Variants in MDGA2 observed in about 807,000 individuals in gnomAD.
The protein encoded by MDGA2 is MAM domain-containing glycosylphosphatidylinositol anchor protein 2.
In MDGA2, 40 loss-of-function variants were observed where a neutral mutation model predicts 117.8. The ratio of observed to expected loss-of-function variants is 0.34; its 90% CI spans 0.26 to 0.44. The LOEUF is 0.44. MDGA2 is among the 20% of genes least tolerant of loss of function. MDGA2 has a pLI of 1.00. For synonymous variants in MDGA2, 452 were observed against 439.0 expected (o/e 1.03, Z -0.37); for missense variants, 1,123 against 1,250.6 (o/e 0.90, Z 1.54).
At chr14:47,020,779 G>A (rs533927498) in intron 8 of MDGA2, among the ~76,000 whole-genome samples, 15 of 152,022 alleles carry the variant, frequency 9.9e-5, no homozygotes, top group African/African-American at 3.4e-4. Context: ...TTCAACTCCA[G>A]ACAAATGTAT....
rs140557084 is a variant in MDGA2, at chr14:46,969,041, T to C, written c.1820-11398A>G. 2.8e-3 allele frequency among the ~76,000 whole-genome samples: 430 copies of C among 152,138 alleles called. 3 individuals carry two copies. The highest frequency in any genetic ancestry group is 9.8e-3 in the African/African-American group (408 of 41,504). On this transcript the variant is annotated intron_variant, in intron 8 of 16. Coordinates refer to ENST00000399232, the MANE Select transcript of MDGA2 (RefSeq NM_001113498.3). The stretch of plus-strand genomic sequence containing the variant: ...TGGAATAGTTTGCTGAGAATGATGG[T>C]TTCCAGTTTCATCCATGTCCCTACA...
At chr14:47,027,179 A>T (rs1381451024) in intron 8 of MDGA2, among the ~76,000 whole-genome samples, 1 of 152,072 alleles carries the variant, frequency 6.6e-6, no homozygotes, top group African/African-American at 2.4e-5. Flanking sequence ...GGAAAAAAAA[A>T]ACCTATAAAA....
intron 1 of MDGA2, among the ~76,000 whole-genome samples, chr14:47,639,788 G>T (rs1289621831): frequency 1.3e-5 from 2 of 152,096 alleles, no homozygotes; most frequent in African/African-American, 2.4e-5. Flanking sequence ...TGTTAACACT[G>T]TATAAGACTC....
At chr14:47,194,585 A>G (rs1187077879) in intron 3 of MDGA2, among the ~76,000 whole-genome samples, 1 of 152,108 alleles carries the variant, frequency 6.6e-6, no homozygotes, top group Non-Finnish European at 1.5e-5. Flanking sequence ...GTTTCAAGAT[A>G]AGCACTTGGA....
intron 10 of MDGA2, among the ~76,000 whole-genome samples, chr14:46,896,344 T>C (rs566873655): frequency 6.6e-6 from 1 of 152,152 alleles, no homozygotes; most frequent in South Asian, 2.1e-4. Context: ...TTGTTGTGAA[T>C]ACTTACACAA....
chr14:47,095,164 G>C (rs1434682243), intron 6 of MDGA2, among the ~76,000 whole-genome samples: 2 of 151,908 alleles, frequency 1.3e-5, no homozygotes, highest in African/African-American at 4.8e-5. Context: ...TTGAAATAAA[G>C]AGCACATTTC....
At chr14:47,500,808 G>A (rs1255413741) in intron 1 of MDGA2, among the ~76,000 whole-genome samples, 1 of 151,862 alleles carries the variant, frequency 6.6e-6, no homozygotes, top group African/African-American at 2.4e-5. Flanking sequence ...TTCAAAGTTG[G>A]TTAAAAAAAG....
rs117509348 is a variant in MDGA2, at chr14:47,629,956, G to T, written c.280+44561C>A. ...CTGCATGTCCAATAAGCACCCAGGT[G>T]ATACTGATACTGCTGGTCTATGGAC... On this transcript the variant is annotated intron_variant, in intron 1 of 16. Coordinates refer to ENST00000399232, the MANE Select transcript of MDGA2 (RefSeq NM_001113498.3). Among the ~76,000 whole-genome samples the T allele has an allele frequency of 3.1e-3, 473 of 152,198 alleles. 1 individual carries two copies. Among genetic ancestry groups the T allele is most frequent in the Middle Eastern group, 0.01 (3 of 294 alleles).
intron 9 of MDGA2, among the ~76,000 whole-genome samples, chr14:46,941,830 G>C: frequency 6.6e-6 from 1 of 152,102 alleles, no homozygotes; most frequent in East Asian, 1.9e-4. Context: ...TTTTTAGACT[G>C]TTTCTTATTA....
In MDGA2 at chr14:46,884,655, C is replaced by G. The variant is rs1882598683; in HGVS notation, c.2239-2434G>C. Among the ~76,000 whole-genome samples, 1 of 151,810 alleles carries G rather than the reference C, an allele frequency of 6.6e-6. No individual in the cohort carries two copies. The highest frequency in any genetic ancestry group is 2.4e-5 in the African/African-American group (1 of 41,314). ...ATATAAAATATATAGAGTGTCTGCA[C>G]AGAAGAGAGAAAAATATATACCATT... On this transcript the variant is annotated intron_variant, in intron 10 of 16. Coordinates refer to ENST00000399232, the MANE Select transcript of MDGA2 (RefSeq NM_001113498.3). This position sits in a 1 kb window ranked among gnomAD's most constrained non-coding sequence, Gnocchi z 4.1.
intron 1 of MDGA2, among the ~76,000 whole-genome samples, chr14:47,609,389 G>A (rs1394282402): frequency 1.7e-5 from 2 of 116,314 alleles, no homozygotes; most frequent in Admixed American, 1.1e-4. Flanking sequence ...TGTAAATGCT[G>A]TCAATTCATT....
intron 6 of MDGA2, among the ~76,000 whole-genome samples, chr14:47,065,779 G>A (rs1245036682): frequency 3.3e-5 from 5 of 152,118 alleles, no homozygotes; most frequent in African/African-American, 1.2e-4. Flanking sequence ...CTTCTGTTAA[G>A]TATCTATTTC....
chr14:46,969,773 G>A (rs574965043), intron 8 of MDGA2, among the ~76,000 whole-genome samples: 38 of 151,710 alleles, frequency 2.5e-4, no homozygotes, highest in South Asian at 8.4e-4. Flanking sequence ...ATCACACACC[G>A]GGGCCCGTTG....
intron 10 of MDGA2, among the ~76,000 whole-genome samples, chr14:46,883,550 T>C (rs1882547408): frequency 6.6e-6 from 1 of 152,054 alleles, no homozygotes; most frequent in Non-Finnish European, 1.5e-5. Flanking sequence ...TATTTAAAAT[T>C]GTACTTTAGT....
chr14:47,287,766 C>T (rs1363056316), intron 2 of MDGA2, among the ~76,000 whole-genome samples: 5 of 152,058 alleles, frequency 3.3e-5, no homozygotes, highest in Admixed American at 6.6e-5. Flanking sequence ...TGATGTTACT[C>T]GGAAATAAGG....
At chr14:47,381,991 T>G (rs9652333) in intron 1 of MDGA2, among the ~76,000 whole-genome samples, 109,683 of 151,728 alleles carry the variant, frequency 0.72, 39,876 homozygotes, top group Middle Eastern at 0.82. Flanking sequence ...CATGGTACTG[T>G]TACCAAAACA....
At chr14:47,058,764 A>C (rs545071918) in intron 7 of MDGA2, 34 of 985,454 alleles carry the variant, frequency 3.5e-5, no homozygotes, top group Non-Finnish European at 3.9e-5. Context: ...ATATGTAATC[A>C]TCTTCAGTAA....
intron 1 of MDGA2, among the ~76,000 whole-genome samples, chr14:47,440,813 T>A (rs968760543): frequency 1.3e-5 from 2 of 152,086 alleles, no homozygotes; most frequent in Admixed American, 1.3e-4. Context: ...TATGTGATTA[T>A]TTCCTCTGGA....
chr14:47,028,841 C>T (rs758185903), intron 8 of MDGA2, among the ~76,000 whole-genome samples: 1 of 152,064 alleles, frequency 6.6e-6, no homozygotes, highest in African/African-American at 2.4e-5. Flanking sequence ...TCATTATTAC[C>T]CTCCTAATAA....
Sources: allele counts gnomAD v4.1 joint callset (sites outside exome capture counted in the v4.1 genomes callset), GRCh38; gene constraint gnomAD v4.1.1; non-coding constraint Gnocchi (gnomAD v3.1); transcripts MANE v1.5; gene names NCBI Gene and HGNC (gene_info 2026-07-23, HGNC 2026-07-21).